Variants in SNAP25 observed in about 807,000 individuals in gnomAD.
SNAP25 encodes synaptosomal-associated protein 25.
In SNAP25, 3 loss-of-function variants were observed where a neutral mutation model predicts 28.7. The ratio of observed to expected loss-of-function variants is 0.10; its 90% CI spans 0.05 to 0.27. The LOEUF (loss-of-function observed/expected upper bound fraction) is 0.27. Among genes scored for constraint, SNAP25 ranks in the 10% least tolerant of loss-of-function variants. The pLI is 1.00. For missense variants in SNAP25, 117 were observed against 278.7 expected (o/e 0.42, Z 4.13); for synonymous variants, 61 against 88.1 (o/e 0.69, Z 1.72).
At chr20:10,265,652 C>T (rs555685307) in intron 1 of SNAP25, among the ~76,000 whole-genome samples, 1 of 152,240 alleles carries the variant, frequency 6.6e-6, no homozygotes, top group African/African-American at 2.4e-5. Context: ...CCCATGGCCC[C>T]GTGGAGCTTT....
chr20:10,263,240 C>A (rs2063451137), intron 1 of SNAP25, among the ~76,000 whole-genome samples: 1 of 151,764 alleles, frequency 6.6e-6, no homozygotes, highest in Non-Finnish European at 1.5e-5. Context: ...AGGATGGTCT[C>A]GATCTCCTGA....
intron 6 of SNAP25, among the ~76,000 whole-genome samples, chr20:10,297,604 G>A (rs1169321138): frequency 6.6e-6 from 1 of 152,278 alleles, no homozygotes; most frequent in African/African-American, 2.4e-5. Flanking sequence ...CTGGGGGACA[G>A]GAGAAGGAAT....
At chr20:10,292,847 T>C in intron 4 of SNAP25, 1 of 1,453,042 alleles carries the variant, frequency 6.9e-7, no homozygotes, top group Non-Finnish European at 9.4e-7. Flanking sequence ...CCCCAAAAAA[T>C]TCATTCCACA....
At chr20:10,237,898 C>T (rs1306732096) in intron 1 of SNAP25, among the ~76,000 whole-genome samples, 1 of 152,142 alleles carries the variant, frequency 6.6e-6, no homozygotes, top group Non-Finnish European at 1.5e-5. Flanking sequence ...CCATGTCCAG[C>T]CCCCATACCA....
At chr20:10,270,125 T>C (rs914689970) in intron 1 of SNAP25, among the ~76,000 whole-genome samples, 3 of 151,956 alleles carry the variant, frequency 2.0e-5, no homozygotes, top group East Asian at 1.9e-4. Flanking sequence ...TGGTGGTGCA[T>C]GCCTGTAATC....
chr20:10,279,881 C>T (rs767414395), intron 3 of SNAP25, among the ~76,000 whole-genome samples: 2 of 152,164 alleles, frequency 1.3e-5, no homozygotes, highest in Admixed American at 6.5e-5. Context: ...CTTACTTCCT[C>T]CTGGGTTATT....
chr20:10,257,744 A>C (rs2063345436), intron 1 of SNAP25, among the ~76,000 whole-genome samples: 1 of 147,080 alleles, frequency 6.8e-6, no homozygotes, highest in Non-Finnish European at 1.5e-5. Context: ...ATTAGCCAGC[A>C]TGGTGGCATG....
chr20:10,293,638 C>T lies in SNAP25; in HGVS notation c.281+360C>T, dbSNP rs900270341. ...AAAATTACAGATTTAGAAAAGGCTG[C>T]GGGTAAGTTTGGAAGATGAGAAACA... On this transcript the variant is annotated intron_variant, in intron 5 of 7. Coordinates refer to ENST00000254976, the MANE Select transcript of SNAP25 (RefSeq NM_130811.4). The surrounding 1 kb of genome is among the most constrained non-coding windows in gnomAD (Gnocchi z 5.6). Among the ~76,000 whole-genome samples, 5 of 152,082 alleles carry T rather than the reference C, an allele frequency of 3.3e-5. No homozygotes were observed. The highest frequency in any genetic ancestry group is 1.9e-4 in the East Asian group (1 of 5,190).
intron 1 of SNAP25, among the ~76,000 whole-genome samples, chr20:10,226,544 T>C (rs1487348795): frequency 6.6e-6 from 1 of 152,154 alleles, no homozygotes; most frequent in Non-Finnish European, 1.5e-5. Flanking sequence ...CCATGTGTTA[T>C]GCTAGGTGTC....
At chr20:10,244,285 C>A (rs541615609) in intron 1 of SNAP25, among the ~76,000 whole-genome samples, 1 of 152,308 alleles carries the variant, frequency 6.6e-6, no homozygotes, top group Non-Finnish European at 1.5e-5. Flanking sequence ...TGACATAAAC[C>A]AGTAAGTTAG....
intron 1 of SNAP25, among the ~76,000 whole-genome samples, 155 bp from the exon 2 acceptor site, chr20:10,275,274 C>T (rs1303512640): frequency 6.6e-6 from 1 of 152,158 alleles, no homozygotes; most frequent in Non-Finnish European, 1.5e-5. Context: ...TTCGGAGAAA[C>T]AGCACAATTC....
At chr20:10,235,904 C>T (rs1010500003) in intron 1 of SNAP25, among the ~76,000 whole-genome samples, 4 of 152,202 alleles carry the variant, frequency 2.6e-5, no homozygotes, top group African/African-American at 9.6e-5. Context: ...GTGCAAGTAC[C>T]TTCCAAGTCT....
chr20:10,275,366 T>C, intron 1 of SNAP25, 63 bp from the exon 2 acceptor site: 1 of 731,296 alleles, frequency 1.4e-6, no homozygotes, highest in Non-Finnish European at 2.1e-6. Flanking sequence ...GATTTTCTGG[T>C]CTTTGCACAC....
chr20:10,295,175 C>T (rs535714368), intron 5 of SNAP25, among the ~76,000 whole-genome samples: 6 of 152,206 alleles, frequency 3.9e-5, no homozygotes, highest in African/African-American at 9.6e-5. Flanking sequence ...CTGAGGGCTT[C>T]GCCCTGTCTC....
At chr20:10,281,382 T>C (rs973491607) in intron 3 of SNAP25, among the ~76,000 whole-genome samples, 3 of 152,232 alleles carry the variant, frequency 2.0e-5, no homozygotes, top group Admixed American at 6.5e-5. Context: ...TTATTTTTGA[T>C]AGAAGCTGTC....
chr20:10,255,453 A>C (rs940196049), intron 1 of SNAP25, among the ~76,000 whole-genome samples: 2 of 152,032 alleles, frequency 1.3e-5, no homozygotes, highest in African/African-American at 2.4e-5. Context: ...AGTAACACCC[A>C]CACACACACA....
intron 1 of SNAP25, among the ~76,000 whole-genome samples, chr20:10,261,348 A>G (rs547044963): frequency 6.6e-6 from 1 of 152,222 alleles, no homozygotes; most frequent in South Asian, 2.1e-4. Context: ...TTCCACTTCT[A>G]TTCCCTGAGC....
intron 1 of SNAP25, among the ~76,000 whole-genome samples, chr20:10,224,749 A>G (rs2062705172): frequency 6.6e-6 from 1 of 151,964 alleles, no homozygotes; most frequent in Middle Eastern, 3.4e-3. Flanking sequence ...TCAAAGCCCT[A>G]TTCTGAGTCA....
chr20:10,249,988 G>A (rs545047980), intron 1 of SNAP25, among the ~76,000 whole-genome samples: 4 of 152,016 alleles, frequency 2.6e-5, no homozygotes, highest in East Asian at 1.9e-4. Context: ...CCAATTCAGC[G>A]GATCTAGGGT....
Sources: gnomAD v4.1 joint callset for allele counts (sites outside exome capture counted in the v4.1 genomes callset) on GRCh38, gnomAD v4.1.1 for gene constraint, Gnocchi (gnomAD v3.1) non-coding constraint, MANE v1.5 for transcripts, NCBI Gene and HGNC (gene_info 2026-07-23, HGNC 2026-07-21) for gene names.